Variants in LYRM4 observed in about 807,000 individuals in gnomAD.
The protein encoded by LYRM4 is LYR motif-containing protein 4.
LYRM4 carries 9 observed loss-of-function variants against 11.7 expected under a neutral mutation model. The ratio of observed to expected loss-of-function variants is 0.77; its 90% CI spans 0.46 to 1.34. The LOEUF (loss-of-function observed/expected upper bound fraction) is 1.34, where lower values mean the gene tolerates loss of function less well. Among genes scored for constraint, LYRM4 ranks in the 40% most tolerant of loss-of-function variants. The pLI is 0.00. For missense variants in LYRM4, 133 were observed against 112.5 expected, an observed-to-expected ratio of 1.18 and a Z score of -0.82; for synonymous variants, 42 against 40.4, an observed-to-expected ratio of 1.04 and a Z score of -0.15.
the LYRM4 span, among the ~76,000 whole-genome samples, chr6:5,092,749 C>T: frequency 4.7e-5 from 7 of 149,592 alleles, no homozygotes; most frequent in Non-Finnish European, 1.0e-4. Flanking sequence ...ATGTTCAGAA[C>T]CACTGTAAGT....
chr6:5,222,450 TA>T (rs1287771628), intron 1 of LYRM4, among the ~76,000 whole-genome samples: 51 of 152,258 alleles, frequency 3.3e-4, no homozygotes, highest in African/African-American at 1.2e-3. Context: ...CAGTGGAGAA[TA>T]ACTAGGGTAC....
chr6:5,112,785 C>T (rs1762942544), intron 2 of LYRM4, among the ~76,000 whole-genome samples: 1 of 152,154 alleles, frequency 6.6e-6, no homozygotes, highest in African/African-American at 2.4e-5. Context: ...GAGGAGACAG[C>T]CTCAAGGGAG....
intron 1 of LYRM4, among the ~76,000 whole-genome samples, chr6:5,253,214 T>C (rs1398508706): frequency 1.3e-5 from 2 of 152,224 alleles, no homozygotes; most frequent in Admixed American, 1.3e-4. Flanking sequence ...GGCATCACTT[T>C]AGCCTTTTCT....
chr6:5,191,341 A>T (rs931757088), intron 2 of LYRM4, among the ~76,000 whole-genome samples: 1 of 152,210 alleles, frequency 6.6e-6, no homozygotes, highest in Non-Finnish European at 1.5e-5. Context: ...GATGATTGTC[A>T]CAGGCAGCTC....
intron 2 of LYRM4, among the ~76,000 whole-genome samples, chr6:5,173,809 TG>T (rs755676846): frequency 2.0e-5 from 3 of 152,054 alleles, no homozygotes; most frequent in Non-Finnish European, 4.4e-5. Flanking sequence ...ATTAATGCGG[TG>T]GGTTTTAAAA....
At chr6:5,209,848 T>C (rs577706001) in intron 2 of LYRM4, among the ~76,000 whole-genome samples, 2 of 152,332 alleles carry the variant, frequency 1.3e-5, no homozygotes, top group Non-Finnish European at 2.9e-5. Context: ...AGTATAAACA[T>C]TAAGATGGGG....
At chr6:5,160,184 G>A (rs919246987) in intron 2 of LYRM4, among the ~76,000 whole-genome samples, 1 of 152,104 alleles carries the variant, frequency 6.6e-6, no homozygotes, top group Non-Finnish European at 1.5e-5. Context: ...TCTTCCCAGT[G>A]GATGCTAAGC....
intron 2 of LYRM4, among the ~76,000 whole-genome samples, chr6:5,130,733 CT>C (rs1057040291): frequency 2.6e-5 from 4 of 151,994 alleles, no homozygotes; most frequent in Non-Finnish European, 4.4e-5. Context: ...GGAAACAGGT[CT>C]TGGTGGGAAA....
chr6:5,122,127 C>T (rs1220306857), intron 2 of LYRM4, among the ~76,000 whole-genome samples: 3 of 152,176 alleles, frequency 2.0e-5, no homozygotes, highest in Non-Finnish European at 4.4e-5. Flanking sequence ...AGGCACATCC[C>T]GAGTCTGCTC....
At chr6:5,080,912 A>T in the LYRM4 span, among the ~76,000 whole-genome samples, 1 of 152,184 alleles carries the variant, frequency 6.6e-6, no homozygotes. Flanking sequence ...CTGCAAATAG[A>T]GAAGAGACAA....
At chr6:5,209,901 A>T (rs879446351) in intron 2 of LYRM4, among the ~76,000 whole-genome samples, 3 of 152,238 alleles carry the variant, frequency 2.0e-5, no homozygotes, top group Non-Finnish European at 4.4e-5. Context: ...ATCAGTTATT[A>T]CATTATTGTT....
At chr6:5,093,400 C>T in the LYRM4 span, among the ~76,000 whole-genome samples, 2 of 152,258 alleles carry the variant, frequency 1.3e-5, no homozygotes, top group Non-Finnish European at 2.9e-5. Flanking sequence ...GGATGGAACG[C>T]CTGCCTTGGG....
chr6:5,061,731 C>T, the LYRM4 span, among the ~76,000 whole-genome samples: 1 of 152,200 alleles, frequency 6.6e-6, no homozygotes, highest in South Asian at 2.1e-4. Context: ...TTCTATTCCG[C>T]AGCCACCCAG....
the LYRM4 span, among the ~76,000 whole-genome samples, chr6:5,045,168 C>G: frequency 0.28 from 43,257 of 152,092 alleles, 6,794 homozygotes; most frequent in African/African-American, 0.43. Flanking sequence ...CACATTTCAT[C>G]CTCCCAGCAG....
chr6:5,242,498 T>A (rs1365565212), intron 1 of LYRM4, among the ~76,000 whole-genome samples: 1 of 151,202 alleles, frequency 6.6e-6, no homozygotes, highest in Non-Finnish European at 1.5e-5. Context: ...GGCAGGTGAA[T>A]CTCCTGAGGT....
chr6:5,169,987 C>T (rs1480580483), intron 2 of LYRM4, among the ~76,000 whole-genome samples: 5 of 152,156 alleles, frequency 3.3e-5, no homozygotes, highest in East Asian at 3.9e-4. Context: ...CCCAGGGTCA[C>T]GCAGACAACA....
At chr6:5,161,671 T>A (rs1331522936) in intron 2 of LYRM4, among the ~76,000 whole-genome samples, 2 of 152,130 alleles carry the variant, frequency 1.3e-5, no homozygotes, top group African/African-American at 2.4e-5. Flanking sequence ...ATTTAAGAAA[T>A]AAAAATTAAA....
the LYRM4 span, among the ~76,000 whole-genome samples, chr6:5,059,487 G>T: frequency 2.6e-5 from 4 of 151,616 alleles, no homozygotes; most frequent in Admixed American, 1.3e-4. Flanking sequence ...TTTCATATCC[G>T]CCCAAGAACA....
intron 2 of LYRM4, among the ~76,000 whole-genome samples, chr6:5,207,591 A>G (rs1281368964): frequency 6.6e-6 from 1 of 152,226 alleles, no homozygotes. Flanking sequence ...TGAGGCATCA[A>G]AAAGTTTCCA....
Sources: gnomAD v4.1 joint callset for allele counts (sites outside exome capture counted in the v4.1 genomes callset) on GRCh38, gnomAD v4.1.1 for gene constraint, MANE v1.5 for transcripts, NCBI Gene and HGNC (gene_info 2026-07-23, HGNC 2026-07-21) for gene names.